RASAL1: variants seen among roughly 807,000 people sequenced by gnomAD.
The protein encoded by RASAL1 is rasGAP-activating-like protein 1.
In RASAL1, 72 loss-of-function variants were observed where a neutral mutation model predicts 96.6. The observed-to-expected ratio is 0.75, with a 90% CI of 0.62 to 0.91. The LOEUF (loss-of-function observed/expected upper bound fraction) is 0.91, where lower values mean the gene tolerates loss of function less well. Among genes scored for constraint, RASAL1 ranks in the 40% least tolerant of loss-of-function variants. The pLI is 0.00. For synonymous variants in RASAL1, 405 were observed against 430.4 expected (o/e 0.94, Z 0.73); for missense variants, 1,016 against 1,072.5 (o/e 0.95, Z 0.74).
rs1022365793 is a variant in RASAL1 at position 113,101,773 on chromosome 12, G to A, written c.2225+116C>T. On this transcript the variant is annotated intron_variant, in intron 19 of 20. Transcript: ENST00000548055. ...AGTCCCCACCCTGGGCCAGGCCCCCGGGGAATATCCACCAACACACATGGG... is the reference window on the plus strand; with the variant it reads ...AGTCCCCACCCTGGGCCAGGCCCCCAGGGAATATCCACCAACACACATGGG... 30 of 1,361,630 alleles carry A rather than the reference G, an allele frequency of 2.2e-5. No homozygotes were observed. In the Admixed American group the frequency reaches 2.6e-4, roughly 12 times the overall value. The allele number at this position is 1,361,630 out of a possible 1,614,324, so 84.3% of individuals were successfully genotyped here.
intron 4 of RASAL1, among the ~76,000 whole-genome samples, chr12:113,124,141 C>T (rs948629694): frequency 9.5e-5 from 14 of 148,084 alleles, no homozygotes; most frequent in African/African-American, 3.5e-4. Context: ...TCGCTTGAAA[C>T]TGGAAGGCGG....
rs997236819 is a variant in RASAL1 at position 113,128,838 on chromosome 12, CAT to C, written c.123-662_123-661del. ...CATAGAAAACAGACACATATGAAAA[CAT>C]ATGAAAATAGACATATGTCGGGAAC... On this transcript the variant is annotated intron_variant, in intron 2 of 20. Coordinates refer to ENST00000548055, the MANE Select transcript of RASAL1 (RefSeq NM_001301202.2). 3.9e-5 allele frequency among the ~76,000 whole-genome samples: 6 copies of C among 152,206 alleles called. No homozygotes were observed. In the East Asian group the frequency reaches 1.2e-3, roughly 29 times the overall value.
chr12:113,130,962 G>A lies in RASAL1; in HGVS notation c.66-21C>T, dbSNP rs1253859513. ...CAGACCTGCAGAAGGAGGGAGTTCA[G>A]GGAGGAAGCAGGTTGAGAGGGCAGC... On this transcript the variant is annotated intron_variant, in intron 1 of 20. Coordinates refer to ENST00000548055, the MANE Select transcript of RASAL1 (RefSeq NM_001301202.2). The surrounding 1 kb of genome is among the most constrained non-coding windows in gnomAD (Gnocchi z 5.1). 1.2e-6 allele frequency: 2 copies of A among 1,608,926 alleles called. No homozygotes were observed. The highest frequency in any genetic ancestry group is 1.1e-5 in the South Asian group (1 of 90,660).
At chr12:113,127,216 T>C (rs1951519069) in intron 4 of RASAL1, among the ~76,000 whole-genome samples, 1 of 152,050 alleles carries the variant, frequency 6.6e-6, no homozygotes, top group South Asian at 2.1e-4. Flanking sequence ...TTACTACTGT[T>C]ACTTGCTTAT....
At chr12:113,120,545 G>A (rs2136208419) in intron 5 of RASAL1, among the ~76,000 whole-genome samples, 1 of 152,260 alleles carries the variant, frequency 6.6e-6, no homozygotes, top group East Asian at 1.9e-4. Context: ...ATCTGGGCAG[G>A]GATTTTCCTA....
In RASAL1 at chr12:113,105,769, C is replaced by T. The variant is rs367924897; in HGVS notation, c.1775G>A (p.Arg592His). The T allele has an allele frequency of 4.1e-5, 66 of 1,613,978 alleles. No homozygotes were observed. Among genetic ancestry groups the T allele is most frequent in the Admixed American group, 2.3e-4 (14 of 60,000 alleles). Reference protein sequence around the residue: ...GLATRFAFKKRYVWLSGETLS... With the variant: ...GLATRFAFKKHYVWLSGETLS... ...GGTCTCCCCGCTGAGCCAGACGTAG[C>T]GCTTCTTGAAGGCAAAGCGCGTGGC... The change falls in exon 16 of 21, where the codon CGC becomes CAC. Residue 592 changes from arginine (R) to histidine (H), a missense_variant. Coordinates refer to ENST00000548055, the MANE Select transcript of RASAL1 (RefSeq NM_001301202.2).
intron 5 of RASAL1, among the ~76,000 whole-genome samples, 157 bp from the exon 6 acceptor site, chr12:113,119,600 C>T (rs547840709): frequency 6.6e-6 from 1 of 152,314 alleles, no homozygotes; most frequent in South Asian, 2.1e-4. Context: ...CATGACCGTC[C>T]AAACCCAGTA....
At chr12:113,127,523 A>T (rs534568397) in intron 4 of RASAL1, among the ~76,000 whole-genome samples, 1 of 152,016 alleles carries the variant, frequency 6.6e-6, no homozygotes, top group Non-Finnish European at 1.5e-5. Context: ...GGTGGTGTGC[A>T]CCTGTAATCC....
At chr12:113,109,085 T>C (rs2136137359) in intron 13 of RASAL1, among the ~76,000 whole-genome samples, 2 of 149,816 alleles carry the variant, frequency 1.3e-5, no homozygotes, top group Non-Finnish European at 3.0e-5. Flanking sequence ...TTTACCATGT[T>C]GGCCAGGCTG....
intron 12 of RASAL1, among the ~76,000 whole-genome samples, chr12:113,113,363 G>A (rs2136165581): frequency 6.6e-6 from 1 of 152,302 alleles, no homozygotes; most frequent in Admixed American, 6.5e-5. Flanking sequence ...CTGGGGAGAT[G>A]GCACAGCTGA....
chr12:113,111,715 T>C (rs1406241888), intron 13 of RASAL1, among the ~76,000 whole-genome samples: 1 of 152,156 alleles, frequency 6.6e-6, no homozygotes, highest in East Asian at 1.9e-4. Context: ...TGACTCAGCC[T>C]CCGGAGTAGC....
intron 16 of RASAL1, 38 bp from the exon 17 acceptor site, chr12:113,104,336 G>C: frequency 6.5e-7 from 1 of 1,532,134 alleles, no homozygotes; most frequent in Non-Finnish European, 8.8e-7. Flanking sequence ...TGGGCTGGGG[G>C]CTAGGGCCGG....
rs1175352480 is a variant in RASAL1 at position 113,100,061 on chromosome 12, A to G, written c.2286T>C (p.Cys762=). ...CTCTTTGCCGGGCCAGGACCTCAGG[A>G]CAGGCCCCTAGGAGGGAGACAAGAG... is the stretch of plus-strand genomic sequence containing the variant. The part of the protein sequence containing the change: ...DTTLEADTGA[C]PEVLARQRAA... The change falls in exon 21 of 21, where the codon TGT becomes TGC. Residue 762 remains cysteine, a synonymous_variant. Coordinates refer to ENST00000548055, the MANE Select transcript of RASAL1 (RefSeq NM_001301202.2). 2 of 1,606,420 alleles carry G rather than the reference A, an allele frequency of 1.2e-6. No individual in the cohort carries two copies. The highest frequency in any genetic ancestry group is 1.7e-6 in the Non-Finnish European group (2 of 1,176,014).
rs1268586439 is a variant in RASAL1, at chr12:113,115,826, T to C, written c.850-38A>G. 1 of 1,611,884 alleles carries C rather than the reference T, an allele frequency of 6.2e-7. No homozygotes were observed. Among genetic ancestry groups the C allele is most frequent in the African/African-American group, 1.3e-5 (1 of 74,984 alleles). ...GGGAGACAAAGATGACCTCGGCCCC[T>C]GGGACCCCAAAGCAGATGGGCCTAG... is the stretch of plus-strand genomic sequence containing the variant. On this transcript the variant is annotated intron_variant, in intron 9 of 20. Coordinates refer to ENST00000548055, the MANE Select transcript of RASAL1 (RefSeq NM_001301202.2). The surrounding 1 kb of genome is among the most constrained non-coding windows in gnomAD (Gnocchi z 4.1).
intron 15 of RASAL1, among the ~76,000 whole-genome samples, chr12:113,106,797 A>T (rs1305687430): frequency 6.6e-6 from 1 of 152,166 alleles, no homozygotes; most frequent in Non-Finnish European, 1.5e-5. Flanking sequence ...CATCCCCAGC[A>T]CCTAGAACTG....
At position 113,115,876 on chromosome 12, in the gene RASAL1, G is replaced by A; in HGVS notation, c.849+58C>T. 1 of 1,586,220 alleles carries A rather than the reference G, an allele frequency of 6.3e-7. No individual in the cohort carries two copies. Among genetic ancestry groups the A allele is most frequent in the African/African-American group, 1.3e-5 (1 of 74,376 alleles). On this transcript the variant is annotated intron_variant, in intron 9 of 20. Coordinates refer to ENST00000548055, the MANE Select transcript of RASAL1 (RefSeq NM_001301202.2). This position sits in a 1 kb window ranked among gnomAD's most constrained non-coding sequence, Gnocchi z 4.1. The stretch of plus-strand genomic sequence containing the variant: ...GATAGGGCTCCGTGAGGCAGGGGGA[G>A]GCCAGGATCCAGACCCCCGGCACCC...
chr12:113,119,255 A>G lies in RASAL1; in HGVS notation c.515T>C (p.Ile172Thr), dbSNP rs776781876. ...WGSQSLETSTIKKTRFPHWDE... is the reference protein window; with the variant it reads ...WGSQSLETSTTKKTRFPHWDE... ...CCAGTGCGGGAAGCGAGTCTTCTTGATGGTCTGAGGGCGAAGGAAGTGGTC... is the reference window on the plus strand; with the variant it reads ...CCAGTGCGGGAAGCGAGTCTTCTTGGTGGTCTGAGGGCGAAGGAAGTGGTC... Residue 172 changes from isoleucine to threonine, a missense_variant, in exon 7 of 21, where the codon ATC (isoleucine) becomes ACC (threonine). By Grantham distance (89) the Ile-to-Thr change is moderately conservative. Coordinates refer to ENST00000548055, the MANE Select transcript of RASAL1 (RefSeq NM_001301202.2). 6.2e-7 allele frequency: 1 copy of G among 1,612,948 alleles called. No individual in the cohort carries two copies. Among genetic ancestry groups the G allele is most frequent in the South Asian group, 1.1e-5 (1 of 91,040 alleles).
chr12:113,128,954 TACAA>T (rs557696624), intron 2 of RASAL1, among the ~76,000 whole-genome samples: 2 of 147,344 alleles, frequency 1.4e-5, no homozygotes, highest in Non-Finnish European at 3.0e-5. Flanking sequence ...CACACAGTCA[TACAA>T]ACACACAGTC....
At chr12:113,104,324 G>C in intron 16 of RASAL1, 26 bp from the exon 17 acceptor site, 5 of 1,541,804 alleles carry the variant, frequency 3.2e-6, no homozygotes, top group South Asian at 1.2e-5. Context: ...GTCGCTGCAG[G>C]ATGGGCTGGG....
Sources: gnomAD v4.1 joint callset for allele counts (sites outside exome capture counted in the v4.1 genomes callset) on GRCh38, gnomAD v4.1.1 for gene constraint, Gnocchi (gnomAD v3.1) non-coding constraint, MANE v1.5 for transcripts, NCBI Gene and HGNC (gene_info 2026-07-23, HGNC 2026-07-21) for gene names.